MCF2L: variants seen among roughly 807,000 people sequenced by gnomAD.
The protein encoded by MCF2L is guanine nucleotide exchange factor DBS.
Under a neutral mutation model 153.4 loss-of-function variants are expected in MCF2L, and 97 were observed. That is an observed-to-expected ratio of 0.63 (90% confidence interval 0.54 to 0.75). MCF2L has a LOEUF of 0.75. Among genes scored for constraint, MCF2L ranks in the 30% least tolerant of loss-of-function variants. The pLI, the probability that MCF2L is intolerant of heterozygous loss-of-function variation, is 0.00. For synonymous variants in MCF2L, 659 were observed against 632.2 expected (o/e 1.04, Z -0.64); for missense variants, 1,347 against 1,495.2 (o/e 0.90, Z 1.64).
chr13:112,917,723 T>C (rs931586843), intron 2 of MCF2L, among the ~76,000 whole-genome samples: 2 of 152,252 alleles, frequency 1.3e-5, no homozygotes, highest in Non-Finnish European at 2.9e-5. Context: ...AGCTCTGACC[T>C]GGAGGTACTT....
chr13:112,987,571 C>T (rs1471419736), intron 1 of MCF2L, among the ~76,000 whole-genome samples: 1 of 152,210 alleles, frequency 6.6e-6, no homozygotes, highest in Admixed American at 6.5e-5. Context: ...AGGAGGAGGC[C>T]GGGTGTGAGG....
At chr13:112,984,113 GC>G (rs887792561) in intron 1 of MCF2L, among the ~76,000 whole-genome samples, 2 of 152,238 alleles carry the variant, frequency 1.3e-5, no homozygotes, top group Admixed American at 6.5e-5. Context: ...TTCAGAGGCA[GC>G]AGCACCCTCG....
chr13:112,979,661 C>A (rs751698058), intron 1 of MCF2L: 1 of 1,612,722 alleles, frequency 6.2e-7, no homozygotes, highest in Non-Finnish European at 8.5e-7. Context: ...TGTGACAGGG[C>A]GGTTCGATGG....
chr13:113,085,197 G>A lies in MCF2L; in HGVS notation c.2247+19G>A, dbSNP rs554541483. On this transcript the variant is annotated intron_variant, in intron 20 of 29. Transcript: ENST00000535094. ...GCTCAAGGTGGGCTCCGCGGTGACC[G>A]TGGCCCGGCCTCCCCAGCACCTGCT... 136 of 1,608,980 alleles carry A rather than the reference G, an allele frequency of 8.5e-5. No homozygotes were observed. The South Asian group carries it at 1.2e-3, about 14-fold the overall frequency.
Position 113,066,040 on chromosome 13 carries a change from C to G in MCF2L, c.757-6C>G. 1.2e-6 allele frequency: 2 copies of G among 1,612,678 alleles called. No individual in the cohort carries two copies. The highest frequency in any genetic ancestry group is 1.7e-6 in the Non-Finnish European group (2 of 1,179,746). On this transcript the variant is annotated splice_polypyrimidine_tract_variant and splice_region_variant and intron_variant, in intron 7 of 29. Transcript: ENST00000535094. ...GCCGGGACATGAGGCTGCATTCTCT[C>G]CACAGGAGGATTTGAGGCTGGCACT...
intron 2 of MCF2L, among the ~76,000 whole-genome samples, chr13:112,959,884 T>C (rs910599199): frequency 4.6e-5 from 7 of 152,204 alleles, no homozygotes; most frequent in African/African-American, 1.4e-4. Flanking sequence ...GCTTTCTGAA[T>C]GGTCGTGCCT....
chr13:113,079,172 C>T (rs2033837139), intron 15 of MCF2L, among the ~76,000 whole-genome samples: 1 of 152,318 alleles, frequency 6.6e-6, no homozygotes, highest in South Asian at 2.1e-4. Flanking sequence ...GGGAGGGCAT[C>T]GTCTCCAGCC....
chr13:113,018,597 C>T (rs1020160100), intron 2 of MCF2L, among the ~76,000 whole-genome samples: 2 of 152,138 alleles, frequency 1.3e-5, no homozygotes, highest in Non-Finnish European at 2.9e-5. Context: ...GAGCAGGCCC[C>T]GAGGAGGTCG....
At chr13:112,899,525 C>T (rs558102258) in intron 1 of MCF2L, among the ~76,000 whole-genome samples, 19 of 152,222 alleles carry the variant, frequency 1.2e-4, no homozygotes, top group Non-Finnish European at 2.5e-4. Context: ...CAGCAGTTTC[C>T]AGACTCTCTC....
At chr13:113,089,981 C>T (rs986514570) in intron 26 of MCF2L, 87 of 1,598,254 alleles carry the variant, frequency 5.4e-5, no homozygotes, top group East Asian at 6.7e-5. Context: ...AACCCGGAGC[C>T]GCCTTGGGCC....
intron 2 of MCF2L, among the ~76,000 whole-genome samples, chr13:112,926,363 C>T (rs1255613606): frequency 2.6e-5 from 4 of 151,904 alleles, no homozygotes; most frequent in African/African-American, 4.8e-5. Flanking sequence ...GCTGCACGGC[C>T]TGGTCTACAT....
At chr13:113,048,151 G>A (rs2086949147) in intron 4 of MCF2L, among the ~76,000 whole-genome samples, 1 of 152,236 alleles carries the variant, frequency 6.6e-6, no homozygotes, top group South Asian at 2.1e-4. Flanking sequence ...TTCAGCTGCC[G>A]AGTGTCCTGT....
In MCF2L at chr13:113,096,648, G is replaced by A. The variant is rs1488291934; in HGVS notation, c.3287G>A (p.Ser1096Asn). 6.3e-7 allele frequency: 1 copy of A among 1,587,010 alleles called. No individual in the cohort carries two copies. Among genetic ancestry groups the A allele is most frequent in the South Asian group, 1.1e-5 (1 of 88,576 alleles). The change falls in exon 29 of 30, where the codon AGC becomes AAC. Residue 1096 changes from serine (S) to asparagine (N), a missense_variant. Physicochemically the swap from Ser to Asn is conservative, Grantham distance 46. This residue lies in a region of MCF2L where 383 missense variants were observed against 335.4 expected (regional missense o/e 1.14). Coordinates refer to ENST00000535094, the MANE Select transcript of MCF2L (RefSeq NM_001112732.3). ...GPSGSAQCLS[S>N]SESSPGSAVL... ...TCCGGCTCGGCCCAGTGCCTGAGCAGCTCAGGTAAGGCCCACGTGCCCCGA... is the reference window on the plus strand; with the variant it reads ...TCCGGCTCGGCCCAGTGCCTGAGCAACTCAGGTAAGGCCCACGTGCCCCGA...
In MCF2L at chr13:113,028,010, C is replaced by T. The variant is rs2085420775; in HGVS notation, c.278+3252C>T. Among the ~76,000 whole-genome samples, 1 of 152,222 alleles carries T rather than the reference C, an allele frequency of 6.6e-6. No homozygotes were observed. Among genetic ancestry groups the T allele is most frequent in the South Asian group, 2.1e-4 (1 of 4,830 alleles). ...GACAGGTACATCCGCCCCCTGATGG[C>T]ACCTCCTGGCATGGGGCTAAATGAG... On this transcript the variant is annotated intron_variant, in intron 3 of 29. Coordinates refer to ENST00000535094, the MANE Select transcript of MCF2L (RefSeq NM_001112732.3). The surrounding 1 kb of genome is among the most constrained non-coding windows in gnomAD (Gnocchi z 5.4).
chr13:113,061,715 C>CTCCCTCTTCCCTTTCCCCTCCCTTCCCT (rs2031465127), intron 5 of MCF2L, among the ~76,000 whole-genome samples: 1 of 88,932 alleles, frequency 1.1e-5, no homozygotes, highest in African/African-American at 4.2e-5. Flanking sequence ...CTTGCCCTCC[C>CTCCCTCTTCCCTTTCCCCTCCCTTCCCT]CTCCCCCTTG....
At chr13:113,096,321 T>C (rs891279644) in intron 27 of MCF2L, 50 bp from the exon 28 acceptor site, 32 of 1,406,640 alleles carry the variant, frequency 2.3e-5, no homozygotes, top group Non-Finnish European at 2.7e-5. Context: ...GTGGGGCTGC[T>C]GCCGGGGCGG....
At position 113,078,449 on chromosome 13, in the gene MCF2L, C is replaced by A; in HGVS notation, c.1734+13C>A. 1 of 1,605,684 alleles carries A rather than the reference C, an allele frequency of 6.2e-7. No individual in the cohort carries two copies. The highest frequency in any genetic ancestry group is 8.5e-7 in the Non-Finnish European group (1 of 1,175,880). The stretch of plus-strand genomic sequence containing the variant: ...CCGGAGGGCCAAGGTGAGGCTTGCC[C>A]AAGACAACCCCGCCATCCACACCCC... On this transcript the variant is annotated intron_variant, in intron 14 of 29. Transcript: ENST00000535094.
intron 1 of MCF2L, among the ~76,000 whole-genome samples, chr13:112,984,161 C>T (rs2082542548): frequency 6.6e-6 from 1 of 152,194 alleles, no homozygotes; most frequent in South Asian, 2.1e-4. Context: ...CCTGTGCTGC[C>T]CTGCCCTGGG....
At position 113,047,521 on chromosome 13, in the gene MCF2L, G is replaced by A. The variant is rs567430651; in HGVS notation, c.369+2160G>A. Among the ~76,000 whole-genome samples the A allele has an allele frequency of 1.8e-4, 27 of 152,324 alleles. 1 individual carries two copies. Among genetic ancestry groups the A allele is most frequent in the Admixed American group, 7.8e-4 (12 of 15,308 alleles). On this transcript the variant is annotated intron_variant, in intron 4 of 29. Transcript: ENST00000535094. ...GTCCCACAATGCTCCCAGCAGGCAC[G>A]TCGTCGTTTAAACAACAGACAACAC... is the stretch of plus-strand genomic sequence containing the variant.
Sources: gnomAD v4.1 joint callset for allele counts (sites outside exome capture counted in the v4.1 genomes callset) on GRCh38, gnomAD v4.1.1 for gene constraint, gnomAD v4.1.1 regional missense constraint, Gnocchi (gnomAD v3.1) non-coding constraint, MANE v1.5 for transcripts, NCBI Gene and HGNC (gene_info 2026-07-23, HGNC 2026-07-21) for gene names.